The following PLCL1 variants were observed in gnomAD, a reference collection of about 807,000 sequenced individuals.
PLCL1 encodes inactive phospholipase C-like protein 1.
Under a neutral mutation model 84.4 loss-of-function variants are expected in PLCL1, and 41 were observed. The observed-to-expected ratio is 0.49, with a 90% CI of 0.38 to 0.63. PLCL1 has a LOEUF of 0.63. Ranked by LOEUF, PLCL1 falls within the 30% of genes least tolerant of loss-of-function variation. PLCL1 has a pLI of 0.00. For missense variants in PLCL1, 1,206 were observed against 1,367.8 expected (o/e 0.88, Z 1.87); for synonymous variants, 490 against 488.3 (o/e 1.00, Z -0.05).
intron 1 of PLCL1, among the ~76,000 whole-genome samples, chr2:197,928,467 T>A (rs1688874165): frequency 6.6e-6 from 1 of 152,232 alleles, no homozygotes; most frequent in Non-Finnish European, 1.5e-5. Context: ...ATGTCTTAGA[T>A]AAATATTCAA....
At position 198,085,172 on chromosome 2, in the gene PLCL1, AAGG is replaced by A. The variant is rs1276869920; in HGVS notation, c.1658_1660del (p.Gly553del). ...TTGCCTTCTGATCCAGATGTGTTAG[AAGG>A]AGAAGTAACAGATGAAGATGAAGAA... is the stretch of plus-strand genomic sequence containing the variant. On this transcript the variant is annotated inframe_deletion, in exon 2 of 6. Coordinates refer to ENST00000428675, the MANE Select transcript of PLCL1 (RefSeq NM_006226.4). This position sits in a 1 kb window ranked among gnomAD's most constrained non-coding sequence, Gnocchi z 5.3. 7.4e-6 allele frequency: 12 copies of A among 1,613,790 alleles called. No individual in the cohort carries two copies. Among genetic ancestry groups the A allele is most frequent in the Non-Finnish European group, 7.6e-6 (9 of 1,179,886 alleles).
At chr2:197,921,170 T>C (rs909382183) in intron 1 of PLCL1, among the ~76,000 whole-genome samples, 7 of 152,170 alleles carry the variant, frequency 4.6e-5, no homozygotes, top group Non-Finnish European at 7.4e-5. Flanking sequence ...TATCTAAAAA[T>C]AGAAAAGGGA....
At chr2:198,095,219 C>A (rs191898123) in intron 3 of PLCL1, among the ~76,000 whole-genome samples, 2 of 152,058 alleles carry the variant, frequency 1.3e-5, no homozygotes, top group South Asian at 4.1e-4. Flanking sequence ...TATTTTACTG[C>A]GATTCTTCTT....
chr2:198,010,942 T>G (rs1240125158), intron 1 of PLCL1, among the ~76,000 whole-genome samples: 1 of 151,800 alleles, frequency 6.6e-6, no homozygotes, highest in Non-Finnish European at 1.5e-5. Context: ...TAGTATATTT[T>G]TTATTGCTGT....
intron 1 of PLCL1, among the ~76,000 whole-genome samples, chr2:198,062,308 T>C (rs1030261617): frequency 3.3e-5 from 5 of 152,192 alleles, no homozygotes; most frequent in African/African-American, 1.2e-4. Context: ...AAGACAATTG[T>C]GATAAATTTT....
chr2:197,965,281 A>G (rs1689704862), intron 1 of PLCL1, among the ~76,000 whole-genome samples: 1 of 152,094 alleles, frequency 6.6e-6, no homozygotes, highest in South Asian at 2.1e-4. Context: ...TTCATGGTTC[A>G]ATCTTCGTAG....
In PLCL1 at chr2:198,023,532, G is replaced by A. The variant is rs1324423850; in HGVS notation, c.241-60226G>A. On this transcript the variant is annotated intron_variant, in intron 1 of 5. Transcript: ENST00000428675. ...AAGGGCTAATATCCGGAATCTACAA[G>A]GAACTTAAACAAATTTACAAGAGAA... 3.3e-5 allele frequency among the ~76,000 whole-genome samples: 5 copies of A among 152,200 alleles called. No homozygotes were observed. In the East Asian group the frequency reaches 7.7e-4, roughly 23 times the overall value.
At chr2:197,950,347 C>T (rs757754575) in intron 1 of PLCL1, among the ~76,000 whole-genome samples, 1 of 152,072 alleles carries the variant, frequency 6.6e-6, no homozygotes, top group African/African-American at 2.4e-5. Context: ...TCTCGTACCC[C>T]GTCCAGCACC....
intron 1 of PLCL1, among the ~76,000 whole-genome samples, chr2:197,812,809 A>G (rs1325552677): frequency 6.6e-6 from 1 of 152,200 alleles, no homozygotes; most frequent in African/African-American, 2.4e-5. Context: ...GGATGCACAA[A>G]TGAGGCAAAA....
intron 1 of PLCL1, among the ~76,000 whole-genome samples, chr2:197,983,178 CTTTTTCT>C (rs1690147773): frequency 2.3e-5 from 2 of 87,394 alleles, no homozygotes; most frequent in Admixed American, 2.2e-4. Context: ...TTTCTTTTTT[CTTTTTCT>C]TTTTCTTTTC....
intron 1 of PLCL1, among the ~76,000 whole-genome samples, chr2:197,820,815 G>C (rs1690800492): frequency 6.6e-6 from 1 of 152,074 alleles, no homozygotes; most frequent in Non-Finnish European, 1.5e-5. Flanking sequence ...TACCCACTGT[G>C]CCTAATACCT....
intron 1 of PLCL1, among the ~76,000 whole-genome samples, chr2:197,863,403 T>C (rs991540850): frequency 2.6e-5 from 4 of 152,172 alleles, no homozygotes; most frequent in African/African-American, 9.6e-5. Flanking sequence ...TGACTATTAG[T>C]CTGATAACAG....
At chr2:198,042,139 G>A (rs780992213) in intron 1 of PLCL1, among the ~76,000 whole-genome samples, 34 of 152,136 alleles carry the variant, frequency 2.2e-4, no homozygotes, top group Non-Finnish European at 4.3e-4. Context: ...TTGATAAAAT[G>A]TTGGCACCTC....
rs113509424 is a variant in PLCL1, at chr2:198,127,467, G to A, written c.3106-19313G>A. 8.0e-3 allele frequency among the ~76,000 whole-genome samples: 1,215 copies of A among 151,996 alleles called. 8 individuals carry two copies. Among genetic ancestry groups the A allele is most frequent in the Non-Finnish European group, 0.011 (751 of 67,956 alleles). ...TAAACTTTATTGGACATAGTTTTAC[G>A]TTACCATTTTTTCTCTCTTTCACCA... is the stretch of plus-strand genomic sequence containing the variant. On this transcript the variant is annotated intron_variant, in intron 5 of 5. Transcript: ENST00000428675.
At chr2:197,963,801 T>C (rs1249468665) in intron 1 of PLCL1, among the ~76,000 whole-genome samples, 2 of 152,294 alleles carry the variant, frequency 1.3e-5, no homozygotes, top group East Asian at 3.9e-4. Flanking sequence ...TTCTTCTGCA[T>C]GTGGATGGCT....
At position 198,148,233 on chromosome 2, in the gene PLCL1, G is replaced by C. The variant is rs1273005605; in HGVS notation, c.*1271G>C. On this transcript the variant is annotated 3_prime_UTR_variant, in exon 6 of 6. Transcript: ENST00000428675. ...TAAAGCATTGCTTTTATTTTGAAAAGCTTCTTAATTAATTTGATTAACAAA... is the reference window on the plus strand; with the variant it reads ...TAAAGCATTGCTTTTATTTTGAAAACCTTCTTAATTAATTTGATTAACAAA... The C allele has an allele frequency of 6.6e-6, 1 of 152,246 alleles. No individual in the cohort carries two copies. Among genetic ancestry groups the C allele is most frequent in the Non-Finnish European group, 1.5e-5 (1 of 68,010 alleles). 9.4% of individuals were successfully genotyped at this position (152,246 alleles called of 1,614,324 possible).
At chr2:198,004,663 C>T (rs368042847) in intron 1 of PLCL1, among the ~76,000 whole-genome samples, 4 of 152,086 alleles carry the variant, frequency 2.6e-5, no homozygotes, top group African/African-American at 7.2e-5. Flanking sequence ...AGTACTGTTA[C>T]ACATTTTTGT....
chr2:197,891,924 CAGG>C (rs2105726773), intron 1 of PLCL1, among the ~76,000 whole-genome samples: 1 of 152,230 alleles, frequency 6.6e-6, no homozygotes, highest in East Asian at 1.9e-4. Flanking sequence ...GTGCACTACA[CAGG>C]AGTAGATGTG....
chr2:197,866,971 C>A (rs368210098), intron 1 of PLCL1, among the ~76,000 whole-genome samples: 1 of 152,076 alleles, frequency 6.6e-6, no homozygotes, highest in South Asian at 2.1e-4. Context: ...TAAAGAAGGA[C>A]CAGTAGGATC....
Sources: allele counts gnomAD v4.1 joint callset (sites outside exome capture counted in the v4.1 genomes callset), GRCh38; gene constraint gnomAD v4.1.1; non-coding constraint Gnocchi (gnomAD v3.1); transcripts MANE v1.5; gene names NCBI Gene and HGNC (gene_info 2026-07-23, HGNC 2026-07-21).